RSU1: variants seen among roughly 807,000 people sequenced by gnomAD.
RSU1 encodes rsu-1.
In RSU1, 26 loss-of-function variants were observed where a neutral mutation model predicts 31.1. The observed-to-expected ratio is 0.84, with a 90% confidence interval of 0.61 to 1.16. The LOEUF is 1.16. Ranked by LOEUF, RSU1 falls within the 50% of genes most tolerant of loss-of-function variation. RSU1 has a pLI of 0.00. For synonymous variants in RSU1, 164 were observed against 136.3 expected (o/e 1.20, Z -1.41); for missense variants, 320 against 339.1 (o/e 0.94, Z 0.44).
chr10:16,594,501 C>A lies in RSU1; in HGVS notation c.732-1005G>T, dbSNP rs191935179. Among the ~76,000 whole-genome samples, 725 of 151,182 alleles carry A rather than the reference C, an allele frequency of 4.8e-3. 2 individuals carry two copies. The highest frequency in any genetic ancestry group is 5.4e-3 in the Non-Finnish European group (364 of 67,854). On this transcript the variant is annotated intron_variant, in intron 8 of 8. Transcript: ENST00000345264. ...GATCATAGCTCACTGCAGCCTCAAA[C>A]TCCTGGGCTCAAGCGATCTCATGGC...
chr10:16,692,729 A>AT (rs201959451), intron 8 of RSU1, among the ~76,000 whole-genome samples: 3 of 152,176 alleles, frequency 2.0e-5, no homozygotes, highest in Non-Finnish European at 2.9e-5. Flanking sequence ...CTACATTCGT[A>AT]TTTTTTTAAA....
At chr10:16,800,697 T>C (rs576364124) in intron 2 of RSU1, among the ~76,000 whole-genome samples, 22 of 152,294 alleles carry the variant, frequency 1.4e-4, no homozygotes, top group Admixed American at 1.4e-3. Context: ...GAACTGGAAA[T>C]GTCTGATTTT....
At chr10:16,785,060 C>A (rs1837742997) in intron 2 of RSU1, among the ~76,000 whole-genome samples, 3 of 152,062 alleles carry the variant, frequency 2.0e-5, no homozygotes, top group Non-Finnish European at 4.4e-5. Context: ...AAGTATTGAT[C>A]CTAGGTGTTC....
At chr10:16,605,217 C>G (rs539686734) in intron 8 of RSU1, among the ~76,000 whole-genome samples, 5 of 152,258 alleles carry the variant, frequency 3.3e-5, no homozygotes, top group African/African-American at 1.2e-4. Flanking sequence ...AATGTGAGTT[C>G]CCGAGCCAGG....
intron 7 of RSU1, among the ~76,000 whole-genome samples, chr10:16,737,091 G>C (rs1836642796): frequency 6.6e-6 from 1 of 151,968 alleles, no homozygotes; most frequent in Non-Finnish European, 1.5e-5. Flanking sequence ...TAAGTGACCT[G>C]TGGAAGATAT....
chr10:16,686,489 C>G (rs1437348824), intron 8 of RSU1, among the ~76,000 whole-genome samples: 1 of 152,204 alleles, frequency 6.6e-6, no homozygotes, highest in Non-Finnish European at 1.5e-5. Context: ...AATAGCTCCT[C>G]TTGAAGAGAA....
At chr10:16,682,694 G>C (rs1835353483) in intron 8 of RSU1, among the ~76,000 whole-genome samples, 1 of 151,864 alleles carries the variant, frequency 6.6e-6, no homozygotes, top group Non-Finnish European at 1.5e-5. Flanking sequence ...CTTTTACTTT[G>C]CCCTGCAGAC....
chr10:16,724,966 A>G (rs1287704267), intron 7 of RSU1, among the ~76,000 whole-genome samples: 1 of 152,208 alleles, frequency 6.6e-6, no homozygotes, highest in African/African-American at 2.4e-5. Flanking sequence ...AAACAGCAAA[A>G]GTCAATGATA....
At chr10:16,646,907 T>C (rs1418338807) in intron 8 of RSU1, among the ~76,000 whole-genome samples, 2 of 151,724 alleles carry the variant, frequency 1.3e-5, no homozygotes, top group Non-Finnish European at 2.9e-5. Context: ...TTCATACCAG[T>C]GGGTGTGAAA....
chr10:16,725,609 C>T (rs1836377599), intron 7 of RSU1, among the ~76,000 whole-genome samples: 1 of 151,780 alleles, frequency 6.6e-6, no homozygotes, highest in Non-Finnish European at 1.5e-5. Context: ...GAAGTTCATT[C>T]CTCTTGCCCT....
chr10:16,599,750 G>C (rs1465860011), intron 8 of RSU1, among the ~76,000 whole-genome samples: 1 of 152,242 alleles, frequency 6.6e-6, no homozygotes, highest in African/African-American at 2.4e-5. Context: ...CAGGCTACCA[G>C]GGCCAACTCC....
chr10:16,612,381 C>T (rs1317822695), intron 8 of RSU1, among the ~76,000 whole-genome samples: 1 of 152,186 alleles, frequency 6.6e-6, no homozygotes, highest in African/African-American at 2.4e-5. Context: ...ATGACCATGC[C>T]AGTCATTGCC....
chr10:16,698,116 T>G (rs1239556538), intron 7 of RSU1, among the ~76,000 whole-genome samples: 2 of 148,378 alleles, frequency 1.3e-5, no homozygotes, highest in East Asian at 2.0e-4. Context: ...TTGGCAAGCA[T>G]GAGAACAACG....
intron 2 of RSU1, among the ~76,000 whole-genome samples, chr10:16,804,440 A>G (rs115189065): frequency 1.0e-3 from 152 of 152,384 alleles, no homozygotes; most frequent in African/African-American, 3.5e-3. Context: ...ATCTTATCAC[A>G]TGATCCAGTA....
chr10:16,749,862 A>G (rs1836938640), intron 7 of RSU1, among the ~76,000 whole-genome samples: 1 of 152,100 alleles, frequency 6.6e-6, no homozygotes, highest in African/African-American at 2.4e-5. Flanking sequence ...GTTTTGTTCA[A>G]ACTTGGAAAC....
chr10:16,778,536 G>C (rs2131643274), intron 3 of RSU1, among the ~76,000 whole-genome samples: 1 of 152,240 alleles, frequency 6.6e-6, no homozygotes, highest in Non-Finnish European at 1.5e-5. Flanking sequence ...CCATCTATTT[G>C]GAGAGAGAAA....
In RSU1 at chr10:16,757,712, C is replaced by A. The variant is rs1361664152; in HGVS notation, c.282-2723G>T. Among the ~76,000 whole-genome samples, 43 of 152,176 alleles carry A rather than the reference C, an allele frequency of 2.8e-4. 1 individual carries two copies. Among genetic ancestry groups the A allele is most frequent in the Admixed American group, 2.8e-3 (43 of 15,282 alleles). On this transcript the variant is annotated intron_variant, in intron 4 of 8. Coordinates refer to ENST00000345264, the MANE Select transcript of RSU1 (RefSeq NM_012425.4). Reference sequence around the variant, plus strand: ...GACATGTGTCTGGAAACACCCCATACCGCACGGAGGCCAAAGCTGCTCCAG... The same window carrying A: ...GACATGTGTCTGGAAACACCCCATAACGCACGGAGGCCAAAGCTGCTCCAG...
intron 8 of RSU1, among the ~76,000 whole-genome samples, chr10:16,661,522 G>A (rs1471786091): frequency 6.6e-6 from 1 of 152,112 alleles, no homozygotes; most frequent in East Asian, 1.9e-4. Flanking sequence ...TATACTGCAT[G>A]CCCATCCAAC....
chr10:16,790,769 G>C (rs1837896111), intron 2 of RSU1, among the ~76,000 whole-genome samples: 1 of 152,160 alleles, frequency 6.6e-6, no homozygotes, highest in Non-Finnish European at 1.5e-5. Flanking sequence ...GTTCTCACCA[G>C]ATCTGGTTGT....
Sources: gnomAD v4.1 joint callset for allele counts (sites outside exome capture counted in the v4.1 genomes callset) on GRCh38, gnomAD v4.1.1 for gene constraint, MANE v1.5 for transcripts, NCBI Gene and HGNC (gene_info 2026-07-23, HGNC 2026-07-21) for gene names.